ATP5F1E: variants seen among roughly 807,000 people sequenced by gnomAD.
ATP5F1E encodes ATP synthase F1 subunit epsilon.
In ATP5F1E, 5 loss-of-function variants were observed where a neutral mutation model predicts 7.0. The ratio of observed to expected loss-of-function variants is 0.71; its 90% CI spans 0.37 to 1.49. The LOEUF (loss-of-function observed/expected upper bound fraction) is 1.49. Among genes scored for constraint, ATP5F1E ranks in the 40% most tolerant of loss-of-function variants. The probability of loss-of-function intolerance (pLI) is 0.03; values close to 1 mark genes in which losing one functional copy is unlikely to be tolerated. For missense variants in ATP5F1E, 59 were observed against 57.1 expected (o/e 1.03, Z -0.11); for synonymous variants, 20 against 20.1 (o/e 0.99, Z 0.02).
rs928142915 is a variant in ATP5F1E at position 59,027,241 on chromosome 20, C to G, written c.*1604G>C. On this transcript the variant is annotated 3_prime_UTR_variant, in exon 3 of 3. Transcript: ENST00000243997. ...ATACCAATAATCTACCAATATACTA[C>G]CAATCTACTATGCCATCTATATACC... 2 of 151,874 alleles carry G rather than the reference C, an allele frequency of 1.3e-5. No individual in the cohort carries two copies. The highest frequency in any genetic ancestry group is 2.9e-5 in the Non-Finnish European group (2 of 67,982). 9.4% of individuals were successfully genotyped at this position (151,874 alleles called of 1,614,324 possible). A position where few individuals can be genotyped will look rare whatever the true frequency, so the allele number is the denominator to read the frequency against.
In ATP5F1E at chr20:59,028,793, CCACA is replaced by C. The variant is rs1392663238; in HGVS notation, c.*48_*51del. The C allele has an allele frequency of 6.0e-6, 1 of 167,092 alleles. No individual in the cohort carries two copies. The highest frequency in any genetic ancestry group is 6.5e-5 in the Admixed American group (1 of 15,290). The allele number at this position is 167,092 out of a possible 1,614,324, so 10.4% of individuals were successfully genotyped here. ...CTTTTCAATCTGCCATAACATGTGC[CCACA>C]CATCTTCACCTTGGAAATGTAGCAT... is the stretch of plus-strand genomic sequence containing the variant. On this transcript the variant is annotated 3_prime_UTR_variant, in exon 3 of 3. Transcript: ENST00000243997.
In ATP5F1E at chr20:59,028,688, C is replaced by T. The variant is rs2146381414; in HGVS notation, c.*157G>A. ...TCTCACAAACTAAAATCAAGAGTAA[C>T]AGTGAACCATATTTCAATTTATTGA... is the stretch of plus-strand genomic sequence containing the variant. On this transcript the variant is annotated 3_prime_UTR_variant, in exon 3 of 3. Transcript: ENST00000243997. 1 of 167,172 alleles carries T rather than the reference C, an allele frequency of 6.0e-6. No homozygotes were observed. The highest frequency in any genetic ancestry group is 2.1e-4 in the South Asian group (1 of 4,818). 10.4% of individuals were successfully genotyped at this position (167,172 alleles called of 1,614,324 possible).
Position 59,028,194 on chromosome 20 carries a change from T to C in ATP5F1E, c.*651A>G, listed in dbSNP as rs1029508838. The C allele has an allele frequency of 6.6e-6, 1 of 152,212 alleles. No individual in the cohort carries two copies. Among genetic ancestry groups the C allele is most frequent in the African/African-American group, 2.4e-5 (1 of 41,454 alleles). The allele number at this position is 152,212 out of a possible 1,614,324, so 9.4% of individuals were successfully genotyped here. ...AATTTCAGTTTGGCCATCAACTCAATGAGCAAGTTATTCAATAGCTTTGCC... is the reference window on the plus strand; with the variant it reads ...AATTTCAGTTTGGCCATCAACTCAACGAGCAAGTTATTCAATAGCTTTGCC... On this transcript the variant is annotated 3_prime_UTR_variant, in exon 3 of 3. Coordinates refer to ENST00000243997, the MANE Select transcript of ATP5F1E (RefSeq NM_006886.4).
chr20:59,031,824 G>A (rs1213694009), intron 1 of ATP5F1E, among the ~76,000 whole-genome samples: 2 of 152,250 alleles, frequency 1.3e-5, no homozygotes, highest in Non-Finnish European at 2.9e-5. Context: ...CGGCGGTCAC[G>A]TGGAGAGAAA....
Position 59,028,586 on chromosome 20 carries a change from T to C in ATP5F1E, c.*259A>G, listed in dbSNP as rs2092006803. ...ACTAAATATTAAATCTGGCTTCCCC[T>C]GCTTTTAAGAAACCCTGGTTCACAT... On this transcript the variant is annotated 3_prime_UTR_variant, in exon 3 of 3. Transcript: ENST00000243997. The C allele has an allele frequency of 6.1e-6, 1 of 164,194 alleles. No homozygotes were observed. Among genetic ancestry groups the C allele is most frequent in the Admixed American group, 6.5e-5 (1 of 15,296 alleles). The allele number at this position is 164,194 out of a possible 1,614,324, so 10.2% of individuals were successfully genotyped here. A position where few individuals can be genotyped will look rare whatever the true frequency, so the allele number is the denominator to read the frequency against.
At position 59,032,188 on chromosome 20, in the gene ATP5F1E, C is replaced by CG. The variant is rs897564295; in HGVS notation, c.32+31dup. On this transcript the variant is annotated intron_variant, in intron 1 of 2. Coordinates refer to ENST00000243997, the MANE Select transcript of ATP5F1E (RefSeq NM_006886.4). ...ACCGGGATGCGCGCGGGCCGGCTCG[C>CG]GAAGCCCTTCCCTCTGGAGGCCTGG... The CG allele has an allele frequency of 1.9e-6, 3 of 1,557,178 alleles. No homozygotes were observed. In the African/African-American group the frequency reaches 4.1e-5, roughly 21 times the overall value.
In ATP5F1E at chr20:59,032,252, G is replaced by C; in HGVS notation, c.-1C>G. 6.2e-7 allele frequency: 1 copy of C among 1,601,984 alleles called. No homozygotes were observed. Among genetic ancestry groups the C allele is most frequent in the East Asian group, 2.2e-5 (1 of 44,558 alleles). On this transcript the variant is annotated 5_prime_UTR_variant, in exon 1 of 3. Coordinates refer to ENST00000243997, the MANE Select transcript of ATP5F1E (RefSeq NM_006886.4). ...CAGCCTGTCTCCAGTAGGCCACCAT[G>C]CTGTAGCGAAAGCGGAGCTCGTCGG...
At chr20:59,030,255 C>T (rs750447070) in intron 2 of ATP5F1E, 48 bp downstream of exon 2, 5 of 1,607,496 alleles carry the variant, frequency 3.1e-6, no homozygotes, top group Non-Finnish European at 4.3e-6. Flanking sequence ...TTATGGTGCT[C>T]CAAAAACTTA....
At position 59,030,383 on chromosome 20, in the gene ATP5F1E, G is replaced by C; in HGVS notation, c.79C>G (p.Leu27Val). The change falls in exon 2 of 3, where the codon CTG becomes GTG. Residue 27 changes from leucine to valine, a missense_variant. Leu to Val is a conservative substitution (Grantham distance 32). Transcript: ENST00000243997. ...QICAKAVRDALKTEFKANAEK... is the reference protein window; with the variant it reads ...QICAKAVRDAVKTEFKANAEK... ...GCATTTGCTTTGAATTCTGTCTTCA[G>C]TGCATCTCTCACTGCTTTTGCACAG... The C allele has an allele frequency of 6.2e-7, 1 of 1,613,938 alleles. No individual in the cohort carries two copies. The highest frequency in any genetic ancestry group is 1.1e-5 in the South Asian group (1 of 91,088).
rs1466636576 is a variant in ATP5F1E, at chr20:59,032,208, G to C, written c.32+12C>G. The C allele has an allele frequency of 6.3e-7, 1 of 1,575,730 alleles. No homozygotes were observed. The highest frequency in any genetic ancestry group is 2.3e-5 in the East Asian group (1 of 43,048). On this transcript the variant is annotated intron_variant, in intron 1 of 2. Transcript: ENST00000243997. ...GCTCGCGAAGCCCTTCCCTCTGGAG[G>C]CCTGGGCCTACCTGAGTCCAGCCTG... is the stretch of plus-strand genomic sequence containing the variant.
rs1335546625 is a variant in ATP5F1E, at chr20:59,025,805, G to A, written c.*3040C>T. ...CTTTTACAGTTCAAATTAATTTGCA[G>A]AAGTTGCCATAAATGTTTGCATAAT... is the stretch of plus-strand genomic sequence containing the variant. On this transcript the variant is annotated 3_prime_UTR_variant, in exon 3 of 3. Transcript: ENST00000243997. The A allele has an allele frequency of 6.6e-6, 1 of 152,238 alleles. No homozygotes were observed. Among genetic ancestry groups the A allele is most frequent in the Non-Finnish European group, 1.5e-5 (1 of 68,038 alleles). 9.4% of individuals were successfully genotyped at this position (152,238 alleles called of 1,614,324 possible). A position where few individuals can be genotyped will look rare whatever the true frequency, so the allele number is the denominator to read the frequency against.
intron 1 of ATP5F1E, 26 bp downstream of exon 1, chr20:59,032,194 C>A: frequency 6.4e-7 from 1 of 1,563,210 alleles, no homozygotes; most frequent in East Asian, 2.4e-5. Context: ...CTCGCGAAGC[C>A]CTTCCCTCTG....
Position 59,027,959 on chromosome 20 carries a change from C to T in ATP5F1E, c.*886G>A, listed in dbSNP as rs2092003231. ...AATTTCCAGTTCAAATTTATTTCTC[C>T]AGTCTCCAAAAACAGTTAAAATCAG... On this transcript the variant is annotated 3_prime_UTR_variant, in exon 3 of 3. Coordinates refer to ENST00000243997, the MANE Select transcript of ATP5F1E (RefSeq NM_006886.4). The T allele has an allele frequency of 6.6e-6, 1 of 152,182 alleles. No individual in the cohort carries two copies. The highest frequency in any genetic ancestry group is 1.5e-5 in the Non-Finnish European group (1 of 68,044). 9.4% of individuals were successfully genotyped at this position (152,182 alleles called of 1,614,324 possible).
rs2092004505 is a variant in ATP5F1E, at chr20:59,028,203, T to C, written c.*642A>G. ...TTGGCCATCAACTCAATGAGCAAGT[T>C]ATTCAATAGCTTTGCCTCATTTCCT... On this transcript the variant is annotated 3_prime_UTR_variant, in exon 3 of 3. Transcript: ENST00000243997. 1 of 152,234 alleles carries C rather than the reference T, an allele frequency of 6.6e-6. No homozygotes were observed. The highest frequency in any genetic ancestry group is 2.4e-5 in the African/African-American group (1 of 41,466). The allele number at this position is 152,234 out of a possible 1,614,324, so 9.4% of individuals were successfully genotyped here. A position where few individuals can be genotyped will look rare whatever the true frequency, so the allele number is the denominator to read the frequency against.
chr20:59,026,765 C>A lies in ATP5F1E; in HGVS notation c.*2080G>T, dbSNP rs1345697026. Reference sequence around the variant, plus strand: ...AAAACAAACTAGAAACTTAAGAAATCTGTCCCTTTTGATTTTGAAGAGCTT... The same window carrying A: ...AAAACAAACTAGAAACTTAAGAAATATGTCCCTTTTGATTTTGAAGAGCTT... On this transcript the variant is annotated 3_prime_UTR_variant, in exon 3 of 3. Coordinates refer to ENST00000243997, the MANE Select transcript of ATP5F1E (RefSeq NM_006886.4). The A allele has an allele frequency of 6.6e-6, 1 of 152,212 alleles. No individual in the cohort carries two copies. The highest frequency in any genetic ancestry group is 1.9e-4 in the East Asian group (1 of 5,200). 9.4% of individuals were successfully genotyped at this position (152,212 alleles called of 1,614,324 possible).
chr20:59,029,975 G>A, intron 2 of ATP5F1E: 3 of 336,282 alleles, frequency 8.9e-6, no homozygotes, highest in South Asian at 4.8e-5. Flanking sequence ...TATACAAGTG[G>A]GGAGTTCATC....
rs190062441 is a variant in ATP5F1E at position 59,029,775 on chromosome 20, A to T, written c.*3+528T>A. 2.4e-5 allele frequency: 4 copies of T among 167,516 alleles called. No homozygotes were observed. The East Asian group carries it at 6.9e-4, about 29-fold the overall frequency. The allele number at this position is 167,516 out of a possible 1,614,324, so 10.4% of individuals were successfully genotyped here. ...CCTCTGAAAGCATAATAAATTAGCA[A>T]AACAGTATTCGCTGCGGGGTCTTGC... On this transcript the variant is annotated intron_variant, in intron 2 of 2. Transcript: ENST00000243997.
chr20:59,030,211 T>C, intron 2 of ATP5F1E, 92 bp downstream of exon 2: 3 of 1,517,058 alleles, frequency 2.0e-6, no homozygotes, highest in South Asian at 1.2e-5. Context: ...GACTAAAAAA[T>C]GAATAGAACC....
rs537038891 is a variant in ATP5F1E, at chr20:59,028,690, G to A, written c.*155C>T. On this transcript the variant is annotated 3_prime_UTR_variant, in exon 3 of 3. Coordinates refer to ENST00000243997, the MANE Select transcript of ATP5F1E (RefSeq NM_006886.4). ...TCACAAACTAAAATCAAGAGTAACA[G>A]TGAACCATATTTCAATTTATTGACA... 1.8e-5 allele frequency: 3 copies of A among 167,206 alleles called. No individual in the cohort carries two copies. In the East Asian group the frequency reaches 5.8e-4, roughly 32 times the overall value. The allele number at this position is 167,206 out of a possible 1,614,324, so 10.4% of individuals were successfully genotyped here.
Sources: allele counts gnomAD v4.1 joint callset (sites outside exome capture counted in the v4.1 genomes callset), GRCh38; gene constraint gnomAD v4.1.1; transcripts MANE v1.5; gene names NCBI Gene and HGNC (gene_info 2026-07-23, HGNC 2026-07-21).